IFT52: variants seen among roughly 807,000 people sequenced by gnomAD.
The protein encoded by IFT52 is intraflagellar transport 52, also known as intraflagellar transport protein 52 homolog.
In IFT52, 44 loss-of-function variants were observed where a neutral mutation model predicts 54.4. The ratio of observed to expected loss-of-function variants is 0.81; its 90% CI spans 0.63 to 1.04. The LOEUF (loss-of-function observed/expected upper bound fraction) is 1.04, where lower values mean the gene tolerates loss of function less well. IFT52 is among the 50% of genes least tolerant of loss of function. The pLI, the probability that IFT52 is intolerant of heterozygous loss-of-function variation, is 0.00. For synonymous variants in IFT52, 181 were observed against 185.3 expected (o/e 0.98, Z 0.19); for missense variants, 452 against 523.6 (o/e 0.86, Z 1.33).
intron 13 of IFT52, among the ~76,000 whole-genome samples, chr20:43,645,505 T>C (rs73624551): frequency 5.4e-5 from 3 of 55,736 alleles, no homozygotes; most frequent in Admixed American, 2.1e-4. Flanking sequence ...TGCAGTGAGC[T>C]GAGATCATGC....
chr20:43,605,236 C>G (rs139335270), intron 6 of IFT52, 163 bp downstream of exon 6: 4 of 1,414,266 alleles, frequency 2.8e-6, no homozygotes, highest in South Asian at 2.7e-5. Flanking sequence ...TGCTCCTCCC[C>G]CTGAAGGTAG....
intron 9 of IFT52, among the ~76,000 whole-genome samples, chr20:43,622,004 T>C (rs1984337037): frequency 6.6e-6 from 1 of 152,244 alleles, no homozygotes. Context: ...GGCAGGCAAG[T>C]GCAGAGCCAG....
intron 10 of IFT52, among the ~76,000 whole-genome samples, chr20:43,630,361 A>C (rs867998022): frequency 6.6e-6 from 1 of 152,202 alleles, no homozygotes; most frequent in Non-Finnish European, 1.5e-5. Context: ...CTACTGTCTT[A>C]GTGTCAGCAG....
At chr20:43,618,181 A>G (rs953032479) in intron 7 of IFT52, 3 of 151,916 alleles carry the variant, frequency 2.0e-5, no homozygotes, top group Non-Finnish European at 4.4e-5. Context: ...TATAAGATAA[A>G]CAACAATAGG....
intron 10 of IFT52, among the ~76,000 whole-genome samples, chr20:43,625,811 C>G (rs1397150045): frequency 1.3e-5 from 2 of 151,932 alleles, no homozygotes; most frequent in Non-Finnish European, 2.9e-5. Context: ...AGAGGAGCCA[C>G]TGAGAGTTCT....
At chr20:43,646,869 C>T in intron 13 of IFT52, 67 bp from the exon 14 acceptor site, 1 of 1,265,750 alleles carries the variant, frequency 7.9e-7, no homozygotes, top group Non-Finnish European at 1.2e-6. Context: ...GTCCAAAGCA[C>T]TGAAGAGTTT....
intron 13 of IFT52, 93 bp downstream of exon 13, chr20:43,642,717 A>T: frequency 1.6e-6 from 2 of 1,287,224 alleles, no homozygotes; most frequent in Non-Finnish European, 2.2e-6. Context: ...ACGTTGATTC[A>T]GCCTGTAAAT....
chr20:43,602,305 C>A (rs150981770), intron 3 of IFT52, among the ~76,000 whole-genome samples: 7 of 151,756 alleles, frequency 4.6e-5, no homozygotes, highest in Non-Finnish European at 8.8e-5. Context: ...GCGGGGATTA[C>A]AGGCATCTGC....
chr20:43,635,393 C>T (rs1050193935), intron 10 of IFT52, among the ~76,000 whole-genome samples: 1 of 151,936 alleles, frequency 6.6e-6, no homozygotes, highest in Non-Finnish European at 1.5e-5. Context: ...TTGGTTCAAG[C>T]GATTTTCCTG....
intron 2 of IFT52, among the ~76,000 whole-genome samples, chr20:43,595,911 C>T (rs1322636076): frequency 1.3e-5 from 2 of 152,086 alleles, no homozygotes; most frequent in African/African-American, 4.8e-5. Context: ...AAAAAAATGT[C>T]TTTCGAAATC....
At chr20:43,604,669 C>T (rs1982718387) in intron 5 of IFT52, among the ~76,000 whole-genome samples, 1 of 151,900 alleles carries the variant, frequency 6.6e-6, no homozygotes, top group Admixed American at 6.6e-5. Flanking sequence ...CTTTTCACTG[C>T]CCTTTCTTCT....
chr20:43,639,746 G>T (rs1050463656), intron 12 of IFT52, among the ~76,000 whole-genome samples: 1 of 151,952 alleles, frequency 6.6e-6, no homozygotes, highest in African/African-American at 2.4e-5. Context: ...GGCTGAGGTG[G>T]GAGGATCACT....
intron 10 of IFT52, among the ~76,000 whole-genome samples, chr20:43,629,537 G>T (rs1191872019): frequency 2.0e-5 from 3 of 152,134 alleles, no homozygotes; most frequent in African/African-American, 4.8e-5. Flanking sequence ...CTCCCAAAGT[G>T]CTGGGATTAC....
intron 10 of IFT52, among the ~76,000 whole-genome samples, chr20:43,629,592 A>G (rs989620970): frequency 2.0e-5 from 3 of 152,104 alleles, no homozygotes; most frequent in African/African-American, 4.8e-5. Flanking sequence ...TTTTACAGAC[A>G]TTGAACCCCC....
chr20:43,607,539 G>A (rs1315947459), intron 6 of IFT52, among the ~76,000 whole-genome samples: 26 of 147,008 alleles, frequency 1.8e-4, no homozygotes, highest in Non-Finnish European at 3.0e-4. Context: ...ACGGGGCGGC[G>A]TGGCAGAGGC....
chr20:43,595,551 A>C (rs1401444443), intron 2 of IFT52, among the ~76,000 whole-genome samples: 2 of 152,004 alleles, frequency 1.3e-5, no homozygotes, highest in African/African-American at 2.4e-5. Context: ...CTGTCTAAAA[A>C]AATAAAAAAA....
intron 7 of IFT52, among the ~76,000 whole-genome samples, chr20:43,616,703 G>A (rs1054614388): frequency 2.6e-5 from 4 of 151,984 alleles, no homozygotes; most frequent in Admixed American, 2.6e-4. Context: ...TGCCTCGTAA[G>A]CTTTAAAGTA....
chr20:43,613,705 C>G (rs1232027442), intron 6 of IFT52, 145 bp from the exon 7 acceptor site: 23 of 727,660 alleles, frequency 3.2e-5, no homozygotes, highest in Non-Finnish European at 5.3e-5. Context: ...TACAGTGAGC[C>G]AAGATCGCAC....
chr20:43,613,909 C>T lies in IFT52; in HGVS notation c.545C>T (p.Ala182Val), dbSNP rs755525066. The change falls in exon 7 of 14, where the codon GCG (alanine) becomes GTG (valine). Residue 182 changes from alanine (A) to valine (V), a missense_variant. By Grantham distance (64) the Ala-to-Val change is moderately conservative. Coordinates refer to ENST00000373030, the MANE Select transcript of IFT52 (RefSeq NM_016004.5). ...ATLSVMKPAV[A>V]VLSTGSVCFP... The stretch of plus-strand genomic sequence containing the variant: ...TTGAGTGTCATGAAACCAGCAGTGG[C>T]GGTTCTGTCTACAGGTTCTGTCTGC... The T allele has an allele frequency of 3.6e-5, 58 of 1,613,622 alleles. 1 individual carries two copies. In the South Asian group the frequency reaches 4.3e-4, roughly 12 times the overall value.
Sources: gnomAD v4.1 joint callset for allele counts (sites outside exome capture counted in the v4.1 genomes callset) on GRCh38, gnomAD v4.1.1 for gene constraint, MANE v1.5 for transcripts, NCBI Gene and HGNC (gene_info 2026-07-23, HGNC 2026-07-21) for gene names.